Variants in NDE1 observed in about 807,000 individuals in gnomAD.
NDE1 encodes nuclear distribution protein nudE homolog 1.
NDE1 carries 28 observed loss-of-function variants against 43.4 expected under a neutral mutation model. The ratio of observed to expected loss-of-function variants is 0.65; its 90% CI spans 0.48 to 0.89. NDE1 has a LOEUF of 0.89. Ranked by LOEUF, NDE1 falls within the 40% of genes least tolerant of loss-of-function variation. The pLI is 0.00. For missense variants in NDE1, 441 were observed against 434.1 expected (o/e 1.02, Z -0.14); for synonymous variants, 184 against 172.0 (o/e 1.07, Z -0.55).
At chr16:15,667,228 A>T in intron 2 of NDE1, 58 bp from the exon 3 acceptor site, 1 of 1,589,980 alleles carries the variant, frequency 6.3e-7, no homozygotes, top group Non-Finnish European at 8.6e-7. Context: ...CCTGGGTGAT[A>T]GAGCGAGACT....
chr16:15,677,835 G>A lies in NDE1; in HGVS notation c.272G>A (p.Arg91Gln), dbSNP rs372365525. The A allele has an allele frequency of 2.7e-5, 44 of 1,613,976 alleles. No individual in the cohort carries two copies. The highest frequency in any genetic ancestry group is 8.9e-5 in the East Asian group (4 of 44,888). Reference sequence around the variant, plus strand: ...GAAGTGCAGCACTCTGAAGGCTACCGGCAGATCTCAGCCTTGGAGGATGAC... The same window carrying A: ...GAAGTGCAGCACTCTGAAGGCTACCAGCAGATCTCAGCCTTGGAGGATGAC... ...KFEVQHSEGY[R>Q]QISALEDDLA... The change falls in exon 4 of 9, where the codon CGG (arginine) becomes CAG (glutamine). Residue 91 changes from arginine to glutamine, a missense_variant. By Grantham distance (43) the Arg-to-Gln change is conservative. Transcript: ENST00000396354.
intron 4 of NDE1, among the ~76,000 whole-genome samples, chr16:15,685,020 C>A (rs530744854): frequency 2.4e-4 from 37 of 152,262 alleles, no homozygotes; most frequent in African/African-American, 8.4e-4. Context: ...CCAGTAGAAA[C>A]GTATTAAGAC....
chr16:15,724,539 G>A lies in NDE1; in HGVS notation c.*288G>A. The A allele has an allele frequency of 1.2e-6, 2 of 1,606,704 alleles. No homozygotes were observed. Among genetic ancestry groups the A allele is most frequent in the Non-Finnish European group, 1.7e-6 (2 of 1,176,142 alleles). Reference sequence around the variant, plus strand: ...AAACCCAATAGCAGGGGAAGCTGGGGGGTCAAGCACCATCGCACCAACACT... The same window carrying A: ...AAACCCAATAGCAGGGGAAGCTGGGAGGTCAAGCACCATCGCACCAACACT... On this transcript the variant is annotated 3_prime_UTR_variant, in exon 9 of 9. Coordinates refer to ENST00000396354, the MANE Select transcript of NDE1 (RefSeq NM_017668.3).
intron 5 of NDE1, among the ~76,000 whole-genome samples, chr16:15,689,189 G>A (rs946647027): frequency 6.6e-6 from 1 of 152,154 alleles, no homozygotes; most frequent in African/African-American, 2.4e-5. Context: ...TAGAAATGTT[G>A]TGGTAGAAAG....
chr16:15,703,130 C>T (rs886051726), intron 8 of NDE1: 9 of 182,620 alleles, frequency 4.9e-5, no homozygotes, highest in Admixed American at 6.3e-5. Context: ...GAAAAGCCAA[C>T]GACATTGTGA....
rs896541346 is a variant in NDE1, at chr16:15,714,550, C to CG, written c.948-9635dup. ...GCATGTCAGGAAGGAGGTGAAGTGG[C>CG]GGGGGGTGGTGTTGCAGCTTCAATG... On this transcript the variant is annotated intron_variant, in intron 8 of 8. Transcript: ENST00000396354. The CG allele has an allele frequency of 5.2e-5, 21 of 406,668 alleles. No homozygotes were observed. In the Admixed American group the frequency reaches 7.7e-4, roughly 15 times the overall value. The allele number at this position is 406,668 out of a possible 1,614,324, so 25.2% of individuals were successfully genotyped here.
rs1209182944 is a variant in NDE1, at chr16:15,726,186, C to G, written c.*1935C>G. On this transcript the variant is annotated 3_prime_UTR_variant, in exon 9 of 9. Transcript: ENST00000396354. ...TCCCTTTGCTGCATCATTTGACATT[C>G]ATTTGTGTGATTATTCATGTCTTTC... is the stretch of plus-strand genomic sequence containing the variant. 1.3e-5 allele frequency: 2 copies of G among 155,222 alleles called. No individual in the cohort carries two copies. Among genetic ancestry groups the G allele is most frequent in the Non-Finnish European group, 2.8e-5 (2 of 70,284 alleles). The allele number at this position is 155,222 out of a possible 1,614,324, so 9.6% of individuals were successfully genotyped here.
chr16:15,712,882 G>GTTTTTTTTTTTTTGTTTTTTTTTTTTTTT (rs2039893465), intron 8 of NDE1: 1 of 90,636 alleles, frequency 1.1e-5, no homozygotes, highest in Admixed American at 1.1e-4. Flanking sequence ...TTCACATACA[G>GTTTTTTTTTTTTTGTTTTTTTTTTTTTTT]TTTTTTTTTT....
In NDE1 at chr16:15,706,250, T is replaced by C. The variant is rs910785694; in HGVS notation, c.947+9390T>C. On this transcript the variant is annotated intron_variant, in intron 8 of 8. Transcript: ENST00000396354. ...TACTAGAGAACTCTCCATCCTTCTC[T>C]CTCTAGATGTGACCCTTAAGTCTTT... is the stretch of plus-strand genomic sequence containing the variant. Among the ~76,000 whole-genome samples, 5 of 152,154 alleles carry C rather than the reference T, an allele frequency of 3.3e-5. 1 individual carries two copies. The highest frequency in any genetic ancestry group is 2.6e-4 in the Admixed American group (4 of 15,262).
chr16:15,722,531 C>T (rs964135275), intron 8 of NDE1, among the ~76,000 whole-genome samples: 2 of 152,208 alleles, frequency 1.3e-5, no homozygotes, highest in Non-Finnish European at 2.9e-5. Context: ...TGTGCCACTG[C>T]ACTACACTCT....
At chr16:15,689,455 G>A (rs796256552) in intron 5 of NDE1, among the ~76,000 whole-genome samples, 18 of 152,258 alleles carry the variant, frequency 1.2e-4, no homozygotes, top group Middle Eastern at 3.4e-3. Context: ...TTGTGCCACC[G>A]CACCCCAGCC....
At chr16:15,667,789 G>A (rs1447832347) in intron 3 of NDE1, among the ~76,000 whole-genome samples, 1 of 151,616 alleles carries the variant, frequency 6.6e-6, no homozygotes, top group African/African-American at 2.4e-5. Context: ...CTGCTACCAC[G>A]CCTGGCTAAT....
At chr16:15,685,211 T>C (rs1340117898) in intron 4 of NDE1, among the ~76,000 whole-genome samples, 1 of 152,212 alleles carries the variant, frequency 6.6e-6, no homozygotes, top group Non-Finnish European at 1.5e-5. Flanking sequence ...GTTTCTGGTA[T>C]TGTACTCCGA....
At chr16:15,647,162 C>T (rs1567609288), upstream of NDE1, among the ~76,000 whole-genome samples, 1 of 152,194 alleles carries the variant, frequency 6.6e-6, no homozygotes, top group Admixed American at 6.5e-5. Context: ...TGGTACTTTC[C>T]TTAAACCTGT....
chr16:15,718,210 C>T lies in NDE1; in HGVS notation c.948-5981C>T, dbSNP rs1596708716. The stretch of plus-strand genomic sequence containing the variant: ...CCCACCACCCTCTTGTCCCTCAATC[C>T]AGGGCCTGCACACAGGAAGCCGCCA... On this transcript the variant is annotated intron_variant, in intron 8 of 8. Transcript: ENST00000396354. 1.6e-5 allele frequency: 25 copies of T among 1,573,458 alleles called. 1 individual carries two copies. Among genetic ancestry groups the T allele is most frequent in the Non-Finnish European group, 2.6e-6 (3 of 1,158,958 alleles).
intron 1 of NDE1, among the ~76,000 whole-genome samples, chr16:15,651,295 A>G (rs192888790): frequency 7.9e-5 from 12 of 152,120 alleles, no homozygotes; most frequent in Admixed American, 7.2e-4. Flanking sequence ...TAGTTTTGTT[A>G]TAGTGTATTC....
At chr16:15,644,301 A>C (rs1236967197) in intron 1 of NDE1, among the ~76,000 whole-genome samples, 1 of 152,232 alleles carries the variant, frequency 6.6e-6, no homozygotes, top group Non-Finnish European at 1.5e-5. Context: ...AGGTTATTTC[A>C]ATAGGCAATC....
At chr16:15,694,448 C>T (rs1242265435) in intron 7 of NDE1, 192 bp downstream of exon 7, 52 of 1,400,672 alleles carry the variant, frequency 3.7e-5, no homozygotes, top group East Asian at 1.0e-4. Flanking sequence ...TGGGTTCAAG[C>T]GATCCTCTCA....
chr16:15,659,660 C>T (rs997163339), intron 1 of NDE1, among the ~76,000 whole-genome samples: 7 of 151,612 alleles, frequency 4.6e-5, no homozygotes, highest in Non-Finnish European at 7.4e-5. Context: ...TGGTTTCAGA[C>T]TCCTGAGCTC....
Sources: allele counts gnomAD v4.1 joint callset (sites outside exome capture counted in the v4.1 genomes callset), GRCh38; gene constraint gnomAD v4.1.1; transcripts MANE v1.5; gene names NCBI Gene and HGNC (gene_info 2026-07-23, HGNC 2026-07-21).